Variants in TTC28 observed in about 807,000 individuals in gnomAD.
TTC28 encodes the protein tetratricopeptide repeat protein 28.
Under a neutral mutation model 198.0 loss-of-function variants are expected in TTC28, and 61 were observed. The ratio of observed to expected loss-of-function variants is 0.31; its 90% CI spans 0.25 to 0.38. The LOEUF (loss-of-function observed/expected upper bound fraction) is 0.38. Ranked by LOEUF, TTC28 falls within the 10% of genes least tolerant of loss-of-function variation. The probability of loss-of-function intolerance (pLI) is 1.00; values close to 1 mark genes in which losing one functional copy is unlikely to be tolerated. For synonymous variants in TTC28, 1,171 were observed against 1,297.8 expected, an observed-to-expected ratio of 0.90 and a Z score of 2.10; for missense variants, 2,678 against 3,164.0, an observed-to-expected ratio of 0.85 and a Z score of 3.69.
intron 5 of TTC28, among the ~76,000 whole-genome samples, chr22:28,281,788 A>C (rs2145736638): frequency 6.6e-6 from 1 of 152,348 alleles, no homozygotes; most frequent in Admixed American, 6.5e-5. Context: ...AGTGGGCAGC[A>C]GGTGAAATCT....
intron 5 of TTC28, among the ~76,000 whole-genome samples, chr22:28,267,811 G>A (rs534801250): frequency 3.9e-4 from 59 of 152,072 alleles, no homozygotes; most frequent in Non-Finnish European, 7.2e-4. Flanking sequence ...AAATTTCTTT[G>A]CTCAAGTGTT....
chr22:27,992,162 T>A (rs1452686439), intron 19 of TTC28, among the ~76,000 whole-genome samples: 1 of 152,054 alleles, frequency 6.6e-6, no homozygotes, highest in Non-Finnish European at 1.5e-5. Context: ...AGGGGCCCCA[T>A]AAGCATCCTC....
At chr22:27,991,205 C>T (rs1276087367) in intron 19 of TTC28, among the ~76,000 whole-genome samples, 2 of 152,172 alleles carry the variant, frequency 1.3e-5, no homozygotes, top group Non-Finnish European at 1.5e-5. Context: ...TCCCTAGGGC[C>T]CAACAGCGTA....
intron 12 of TTC28, among the ~76,000 whole-genome samples, chr22:28,031,473 C>G (rs1939073114): frequency 6.6e-6 from 1 of 152,196 alleles, no homozygotes; most frequent in Non-Finnish European, 1.5e-5. Context: ...GAGTCGCAAG[C>G]CCCTCATGTG....
Position 28,303,700 on chromosome 22 carries a change from C to T in TTC28, c.529+2796G>A, listed in dbSNP as rs1402137162. ...GTGCAGGTTATGAGAGTTTTGTCTGCTTATACAAGCACCAGGACCAGTTTT... is the reference window on the plus strand; with the variant it reads ...GTGCAGGTTATGAGAGTTTTGTCTGTTTATACAAGCACCAGGACCAGTTTT... On this transcript the variant is annotated intron_variant, in intron 3 of 22. Transcript: ENST00000397906. 3 of 152,322 alleles carry T rather than the reference C, an allele frequency of 2.0e-5. No individual in the cohort carries two copies. In the East Asian group the frequency reaches 5.8e-4, roughly 29 times the overall value. 9.4% of individuals were successfully genotyped at this position (152,322 alleles called of 1,614,324 possible). A position where few individuals can be genotyped will look rare whatever the true frequency, so the allele number is the denominator to read the frequency against.
At chr22:28,519,961 CAAAGT>C (rs879571515) in intron 2 of TTC28, among the ~76,000 whole-genome samples, 7 of 152,080 alleles carry the variant, frequency 4.6e-5, no homozygotes, top group Admixed American at 2.6e-4. Flanking sequence ...CTACTTAAGA[CAAAGT>C]AAAGAGAAAG....
Position 28,001,393 on chromosome 22 carries a change from G to A in TTC28, c.4379C>T (p.Ser1460Phe), listed in dbSNP as rs1300771382. 41 of 1,550,936 alleles carry A rather than the reference G, an allele frequency of 2.6e-5. No homozygotes were observed. Among genetic ancestry groups the A allele is most frequent in the Non-Finnish European group, 3.3e-5 (38 of 1,146,632 alleles). Reference sequence around the variant, plus strand: ...CCTTACCTTGGACTGCACGCTGAGGGAGCGGATGGAAGGGACAGCAAGGAG... The same window carrying A: ...CCTTACCTTGGACTGCACGCTGAGGAAGCGGATGGAAGGGACAGCAAGGAG... ...FGLLAVPSIR[S>F]LSVQSKSHLR... is the part of the protein sequence containing the mutation. Residue 1460 changes from serine to phenylalanine, a missense_variant, in exon 15 of 23, where the codon TCC becomes TTC. Physicochemically the swap from Ser to Phe is radical, Grantham distance 155. This residue lies in a region of TTC28 where 727 missense variants were observed against 861.9 expected (regional missense o/e 0.84). Coordinates refer to ENST00000397906, the MANE Select transcript of TTC28 (RefSeq NM_001145418.2).
intron 12 of TTC28, among the ~76,000 whole-genome samples, chr22:28,083,895 C>A (rs918244648): frequency 3.9e-5 from 6 of 152,242 alleles, no homozygotes; most frequent in Admixed American, 1.3e-4. Flanking sequence ...GTCCTACGCC[C>A]ACGGAGCCTC....
At chr22:28,355,380 T>G (rs1569279176) in intron 2 of TTC28, among the ~76,000 whole-genome samples, 2 of 152,246 alleles carry the variant, frequency 1.3e-5, no homozygotes, top group African/African-American at 4.8e-5. Flanking sequence ...AAATTGATTT[T>G]ATGACCATCT....
rs1043550333 is a variant in TTC28 at position 28,533,504 on chromosome 22, A to G, written c.381+96048T>C. 6.6e-5 allele frequency among the ~76,000 whole-genome samples: 10 copies of G among 152,350 alleles called. No homozygotes were observed. In the Middle Eastern group the frequency reaches 0.01, roughly 155 times the overall value. On this transcript the variant is annotated intron_variant, in intron 2 of 22. Coordinates refer to ENST00000397906, the MANE Select transcript of TTC28 (RefSeq NM_001145418.2). Reference sequence around the variant, plus strand: ...CTGCTCAAGGTAATTTATAGATTCAATGCCATCCCCATCAAGCTACCAATG... The same window carrying G: ...CTGCTCAAGGTAATTTATAGATTCAGTGCCATCCCCATCAAGCTACCAATG...
chr22:28,127,834 C>T (rs1942954648), intron 6 of TTC28, among the ~76,000 whole-genome samples: 1 of 151,978 alleles, frequency 6.6e-6, no homozygotes, highest in Non-Finnish European at 1.5e-5. Context: ...AAGTGATCCT[C>T]CTGCCTCAGC....
chr22:27,995,333 G>A (rs1012300380), intron 17 of TTC28, among the ~76,000 whole-genome samples: 3 of 152,332 alleles, frequency 2.0e-5, no homozygotes, highest in Middle Eastern at 3.4e-3. Flanking sequence ...GTTCACCCAC[G>A]CTGCATGGGC....
intron 2 of TTC28, among the ~76,000 whole-genome samples, chr22:28,525,209 G>A (rs1230622074): frequency 1.3e-5 from 2 of 152,138 alleles, no homozygotes; most frequent in Admixed American, 6.5e-5. Context: ...GAGTGCAGCG[G>A]TGCAATCATG....
intron 5 of TTC28, among the ~76,000 whole-genome samples, chr22:28,217,505 A>G (rs1927501102): frequency 1.3e-5 from 2 of 152,234 alleles, no homozygotes; most frequent in African/African-American, 4.8e-5. Context: ...TTATTTTCCA[A>G]CAGCAAAATC....
At chr22:28,547,870 T>C (rs555600456) in intron 2 of TTC28, among the ~76,000 whole-genome samples, 1 of 151,612 alleles carries the variant, frequency 6.6e-6, no homozygotes, top group South Asian at 2.1e-4. Context: ...AAATACTCGC[T>C]AAAGATTAAA....
intron 21 of TTC28, chr22:27,986,391 T>G (rs1222379215): frequency 6.6e-6 from 1 of 152,224 alleles, no homozygotes; most frequent in African/African-American, 2.4e-5. Flanking sequence ...CTTTATAAAT[T>G]ACCCAGTCTC....
chr22:28,556,323 C>T (rs2049785666), intron 2 of TTC28, among the ~76,000 whole-genome samples: 1 of 152,230 alleles, frequency 6.6e-6, no homozygotes, highest in Non-Finnish European at 1.5e-5. Flanking sequence ...CGCACCACTG[C>T]ACCCCAGCCT....
intron 2 of TTC28, among the ~76,000 whole-genome samples, chr22:28,462,444 G>A (rs2047963024): frequency 6.6e-6 from 1 of 152,194 alleles, no homozygotes; most frequent in Non-Finnish European, 1.5e-5. Context: ...CAGTCAATGT[G>A]AATAAGTAAT....
At chr22:28,634,294 G>A (rs1002895405) in intron 1 of TTC28, among the ~76,000 whole-genome samples, 1 of 152,014 alleles carries the variant, frequency 6.6e-6, no homozygotes, top group African/African-American at 2.4e-5. Flanking sequence ...GGCAGATCAC[G>A]AGGTCAAGAG....
Sources: gnomAD v4.1 joint callset for allele counts (sites outside exome capture counted in the v4.1 genomes callset) on GRCh38, gnomAD v4.1.1 for gene constraint, gnomAD v4.1.1 regional missense constraint, MANE v1.5 for transcripts, NCBI Gene and HGNC (gene_info 2026-07-23, HGNC 2026-07-21) for gene names.